MEF2A: variants seen among roughly 807,000 people sequenced by gnomAD.
The protein encoded by MEF2A is myocyte-specific enhancer factor 2A.
Under a neutral mutation model 55.8 loss-of-function variants are expected in MEF2A, and 28 were observed. That is an observed-to-expected ratio of 0.50 (90% confidence interval 0.37 to 0.69). The LOEUF (loss-of-function observed/expected upper bound fraction) is 0.69, where lower values mean the gene tolerates loss of function less well. Among genes scored for constraint, MEF2A ranks in the 30% least tolerant of loss-of-function variants. The probability of loss-of-function intolerance (pLI) is 0.00; values close to 1 mark genes in which losing one functional copy is unlikely to be tolerated. For missense variants in MEF2A, 528 were observed against 626.2 expected (o/e 0.84, Z 1.67); for synonymous variants, 239 against 227.1 (o/e 1.05, Z -0.47).
intron 2 of MEF2A, among the ~76,000 whole-genome samples, chr15:99,630,334 C>G (rs545092997): frequency 6.6e-6 from 1 of 152,056 alleles, no homozygotes; most frequent in African/African-American, 2.4e-5. Context: ...TTCCTGTCTT[C>G]TGGGTTGATT....
intron 3 of MEF2A, among the ~76,000 whole-genome samples, chr15:99,643,264 T>G (rs892331991): frequency 6.6e-5 from 10 of 152,214 alleles, no homozygotes; most frequent in Non-Finnish European, 1.3e-4. Flanking sequence ...GATTTTTCAC[T>G]TTTAGATGTC....
At chr15:99,700,174 ATG>A (rs774140599) in intron 8 of MEF2A, among the ~76,000 whole-genome samples, 3 of 85,988 alleles carry the variant, frequency 3.5e-5, no homozygotes, top group Admixed American at 2.5e-4. Context: ...ATACGTATAT[ATG>A]TGTGTATATA....
In MEF2A at chr15:99,688,643, G is replaced by T. The variant is rs369487723; in HGVS notation, c.671-1598G>T. On this transcript the variant is annotated intron_variant, in intron 7 of 11. Transcript: ENST00000557942. ...GTGGTGGCGGGCGCCTGTAGTCCCA[G>T]CTACTCAGGAGGCTGAGGCAGGAGA... Among the ~76,000 whole-genome samples the T allele has an allele frequency of 4.6e-5, 7 of 152,272 alleles. No homozygotes were observed. The South Asian group carries it at 1.0e-3, about 23-fold the overall frequency.
Position 99,671,325 on chromosome 15 carries a change from T to C in MEF2A, c.261T>C (p.Thr87=). 6.3e-7 allele frequency: 1 copy of C among 1,598,528 alleles called. No homozygotes were observed. Among genetic ancestry groups the C allele is most frequent in the Non-Finnish European group, 8.5e-7 (1 of 1,170,272 alleles). Residue 87 remains threonine (T), a splice_region_variant and synonymous_variant, in exon 5 of 12, where the codon ACT becomes ACC. Coordinates refer to ENST00000557942, the MANE Select transcript of MEF2A (RefSeq NM_001319206.4). The part of the protein sequence containing the change: ...ESRTNSDIVE[T]LRKKGLNGCE... ...TGAATTTTCCAATTGTATTTCAGAC[T>C]TTAAGAAAGAAAGGCCTTAATGGTT...
chr15:99,597,214 T>C (rs1412987911), intron 1 of MEF2A, among the ~76,000 whole-genome samples: 2 of 152,124 alleles, frequency 1.3e-5, no homozygotes, highest in African/African-American at 2.4e-5. Context: ...GGGAGAAATA[T>C]CGCTGAATTC....
intron 1 of MEF2A, among the ~76,000 whole-genome samples, chr15:99,590,530 A>G (rs1968906321): frequency 6.6e-6 from 1 of 150,430 alleles, no homozygotes; most frequent in Non-Finnish European, 1.5e-5. Context: ...CCATCTTGCC[A>G]TCTTTGTTTT....
intron 3 of MEF2A, among the ~76,000 whole-genome samples, chr15:99,640,595 C>A (rs1276600030): frequency 2.8e-5 from 4 of 144,506 alleles, no homozygotes. Flanking sequence ...CTTGCTCTGT[C>A]ACCCAGGCCA....
intron 1 of MEF2A, among the ~76,000 whole-genome samples, chr15:99,581,645 GA>G (rs1965972378): frequency 6.6e-6 from 1 of 152,004 alleles, no homozygotes; most frequent in South Asian, 2.1e-4. Context: ...CTGTTTTAGT[GA>G]TTATTTCTAT....
chr15:99,636,663 A>G (rs899896086), intron 3 of MEF2A, among the ~76,000 whole-genome samples: 1 of 152,220 alleles, frequency 6.6e-6, no homozygotes, highest in African/African-American at 2.4e-5. Flanking sequence ...GTTTTAAAAA[A>G]TCAATAATAT....
At chr15:99,652,458 A>T (rs1218260340) in intron 4 of MEF2A, among the ~76,000 whole-genome samples, 1 of 152,100 alleles carries the variant, frequency 6.6e-6, no homozygotes, top group East Asian at 1.9e-4. Context: ...CCCGGGGGTT[A>T]GGGACCCTTG....
chr15:99,703,286 T>A, intron 8 of MEF2A, 76 bp from the exon 9 acceptor site: 1 of 1,493,288 alleles, frequency 6.7e-7, no homozygotes, highest in African/African-American at 1.4e-5. Context: ...AAATATGTTT[T>A]TTCTAAAGAA....
chr15:99,655,937 A>G (rs546182473), intron 4 of MEF2A, among the ~76,000 whole-genome samples: 2 of 152,238 alleles, frequency 1.3e-5, no homozygotes, highest in African/African-American at 4.8e-5. Context: ...AAATTGAGCA[A>G]GAAAGACTGT....
chr15:99,573,655 C>T (rs1365764324), intron 1 of MEF2A, among the ~76,000 whole-genome samples: 1 of 152,108 alleles, frequency 6.6e-6, no homozygotes, highest in African/African-American at 2.4e-5. Flanking sequence ...AGAAAAGCTC[C>T]AAGTTGAGGG....
rs187398746 is a variant in MEF2A, at chr15:99,662,791, C to A, written c.259-8532C>A. On this transcript the variant is annotated intron_variant, in intron 4 of 11. Transcript: ENST00000557942. ...CCGCGCCCGGCCCAAGCCATGATTT[C>A]TTTATTTTACAAGCACTTGCTTATA... Among the ~76,000 whole-genome samples the A allele has an allele frequency of 8.5e-5, 13 of 152,238 alleles. 2 individuals carry two copies. Among genetic ancestry groups the A allele is most frequent in the African/African-American group, 2.2e-4 (9 of 41,568 alleles).
At chr15:99,710,812 C>G (rs2058562088) in intron 11 of MEF2A, 52 bp downstream of exon 11, 2 of 1,555,086 alleles carry the variant, frequency 1.3e-6, no homozygotes, top group South Asian at 2.3e-5. Context: ...TACACACTCT[C>G]TTTTCCTATC....
At chr15:99,677,018 G>T (rs1597081719) in intron 7 of MEF2A, among the ~76,000 whole-genome samples, 1 of 152,040 alleles carries the variant, frequency 6.6e-6, no homozygotes, top group East Asian at 1.9e-4. Context: ...CTACTCAGGA[G>T]GCTGAGGCAG....
chr15:99,663,544 A>G (rs1209279196), intron 4 of MEF2A, among the ~76,000 whole-genome samples: 1 of 151,830 alleles, frequency 6.6e-6, no homozygotes, highest in African/African-American at 2.4e-5. Flanking sequence ...AACTTTTTAT[A>G]TTTTATGTAT....
chr15:99,690,411 G>A lies in MEF2A; in HGVS notation c.841G>A (p.Gly281Ser). Reference sequence around the variant, plus strand: ...AGTTGTCATCCCCCCTTCAAGCAAGGGCATGATGCCTCCACTAGTAAGTTG... The same window carrying A: ...AGTTGTCATCCCCCCTTCAAGCAAGAGCATGATGCCTCCACTAGTAAGTTG... Reference protein sequence around the residue: ...LRVVIPPSSKGMMPPLSEEEE... With the variant: ...LRVVIPPSSKSMMPPLSEEEE... Residue 281 changes from glycine (G) to serine (S), a missense_variant, in exon 8 of 12, where the codon GGC becomes AGC. Gly to Ser is a moderately conservative substitution (Grantham distance 56). Coordinates refer to ENST00000557942, the MANE Select transcript of MEF2A (RefSeq NM_001319206.4). 4 of 1,599,256 alleles carry A rather than the reference G, an allele frequency of 2.5e-6. No individual in the cohort carries two copies. Among genetic ancestry groups the A allele is most frequent in the Middle Eastern group, 1.7e-4 (1 of 5,944 alleles).
intron 1 of MEF2A, among the ~76,000 whole-genome samples, chr15:99,590,213 A>G (rs1444192896): frequency 6.6e-6 from 1 of 151,970 alleles, no homozygotes; most frequent in Non-Finnish European, 1.5e-5. Context: ...TAGTTTTGAT[A>G]ATTTGAGACT....
Sources: allele counts gnomAD v4.1 joint callset (sites outside exome capture counted in the v4.1 genomes callset), GRCh38; gene constraint gnomAD v4.1.1; transcripts MANE v1.5; gene names NCBI Gene and HGNC (gene_info 2026-07-23, HGNC 2026-07-21).